SEMA6D: variants seen among roughly 807,000 people sequenced by gnomAD.
SEMA6D encodes the protein semaphorin 6D, also known as semaphorin-6D.
Under a neutral mutation model 106.6 loss-of-function variants are expected in SEMA6D, and 35 were observed. The observed-to-expected ratio is 0.33, with a 90% CI of 0.25 to 0.44. The LOEUF is 0.44. Among genes scored for constraint, SEMA6D ranks in the 20% least tolerant of loss-of-function variants. SEMA6D has a pLI of 1.00. For synonymous variants in SEMA6D, 499 were observed against 487.7 expected, an observed-to-expected ratio of 1.02 and a Z score of -0.31; for missense variants, 1,185 against 1,345.9, an observed-to-expected ratio of 0.88 and a Z score of 1.87.
intron 3 of SEMA6D, among the ~76,000 whole-genome samples, chr15:47,505,685 T>C (rs1224967355): frequency 6.6e-6 from 1 of 152,080 alleles, no homozygotes; most frequent in East Asian, 1.9e-4. Flanking sequence ...ATATTACATA[T>C]ACCACATGTG....
intron 1 of SEMA6D, among the ~76,000 whole-genome samples, chr15:47,214,597 T>C (rs531162594): frequency 1.3e-5 from 2 of 152,320 alleles, no homozygotes; most frequent in South Asian, 4.1e-4. Context: ...CTGCTTCCTT[T>C]ACTTTACTTA....
chr15:47,516,040 A>G (rs570901446), intron 3 of SEMA6D, among the ~76,000 whole-genome samples: 2 of 152,274 alleles, frequency 1.3e-5, no homozygotes, highest in East Asian at 3.9e-4. Context: ...TGGCTGCAGA[A>G]CTAAGCCTTA....
At chr15:47,639,146 G>C (rs1009356909) in intron 4 of SEMA6D, among the ~76,000 whole-genome samples, 10 of 152,148 alleles carry the variant, frequency 6.6e-5, no homozygotes, top group Non-Finnish European at 1.3e-4. Flanking sequence ...TTAAAGGGAT[G>C]ACCACCAGTG....
intron 1 of SEMA6D, among the ~76,000 whole-genome samples, chr15:47,400,204 T>C (rs1180013416): frequency 1.3e-5 from 2 of 152,148 alleles, no homozygotes; most frequent in Admixed American, 6.5e-5. Flanking sequence ...AAATCCTTCC[T>C]GTAGGCTGAG....
intron 2 of SEMA6D, among the ~76,000 whole-genome samples, chr15:47,420,134 C>T (rs567123261): frequency 4.6e-5 from 7 of 152,188 alleles, no homozygotes; most frequent in Admixed American, 3.9e-4. Flanking sequence ...TTAAGTTGAG[C>T]CAAACAGTGG....
chr15:47,258,231 G>T, intron 1 of SEMA6D, among the ~76,000 whole-genome samples: 1 of 152,014 alleles, frequency 6.6e-6, no homozygotes, highest in East Asian at 1.9e-4. Flanking sequence ...TTTTTGATGG[G>T]TGTGCTTAGA....
intron 1 of SEMA6D, among the ~76,000 whole-genome samples, chr15:47,253,671 A>AT (rs1566953059): frequency 6.6e-6 from 1 of 151,834 alleles, no homozygotes. Context: ...TTGGCTGTGG[A>AT]TTTGTTTCTG....
chr15:47,610,036 A>G (rs1164128242), intron 4 of SEMA6D, among the ~76,000 whole-genome samples: 1 of 152,204 alleles, frequency 6.6e-6, no homozygotes, highest in Non-Finnish European at 1.5e-5. Context: ...CAGACTGTCC[A>G]GCAGCCTGCA....
At chr15:47,269,598 A>C (rs1017784805) in intron 1 of SEMA6D, among the ~76,000 whole-genome samples, 1 of 152,018 alleles carries the variant, frequency 6.6e-6, no homozygotes, top group Non-Finnish European at 1.5e-5. Flanking sequence ...TATAAATTAA[A>C]TTGTTTTTAG....
chr15:47,247,378 C>A (rs771506079), intron 1 of SEMA6D, among the ~76,000 whole-genome samples: 1 of 151,792 alleles, frequency 6.6e-6, no homozygotes, highest in Non-Finnish European at 1.5e-5. Context: ...GCAAAAAATG[C>A]TGGAATGAAC....
In SEMA6D at chr15:47,616,563, G is replaced by T. The variant is rs956293801; in HGVS notation, c.-55+15667G>T. ...AGTATAAGAATTATTGACTGTATGT[G>T]ATTGCTCTCCAAAGAGGAAAAAAAA... On this transcript the variant is annotated intron_variant, in intron 4 of 19. Coordinates refer to the SEMA6D transcript ENST00000558014. Among the ~76,000 whole-genome samples the T allele has an allele frequency of 1.4e-4, 18 of 128,356 alleles. No individual in the cohort carries two copies. In the Admixed American group the frequency reaches 1.5e-3, roughly 11 times the overall value. The allele number at this position is 128,356 out of a possible 152,430, so 84.2% of individuals were successfully genotyped here.
intron 1 of SEMA6D, among the ~76,000 whole-genome samples, chr15:47,253,566 C>A (rs2033635868): frequency 6.6e-6 from 1 of 152,048 alleles, no homozygotes; most frequent in African/African-American, 2.4e-5. Flanking sequence ...TAGTTTCCTA[C>A]CTCTGCATAT....
intron 4 of SEMA6D, among the ~76,000 whole-genome samples, chr15:47,626,909 A>G (rs2077211860): frequency 6.6e-6 from 1 of 152,194 alleles, no homozygotes; most frequent in African/African-American, 2.4e-5. Flanking sequence ...TTAATTTCCT[A>G]ATAGTTACAA....
At chr15:47,343,139 C>T (rs1021421170) in intron 1 of SEMA6D, among the ~76,000 whole-genome samples, 7 of 151,902 alleles carry the variant, frequency 4.6e-5, no homozygotes, top group African/African-American at 1.2e-4. Flanking sequence ...TATAGGGCTC[C>T]CCAAATTTAG....
chr15:47,424,847 T>C (rs907988120), intron 2 of SEMA6D, among the ~76,000 whole-genome samples: 3 of 152,044 alleles, frequency 2.0e-5, no homozygotes, highest in African/African-American at 7.2e-5. Context: ...TCATACAAAA[T>C]ATGAGACTCA....
chr15:47,346,024 T>G (rs528590781), intron 1 of SEMA6D, among the ~76,000 whole-genome samples: 1 of 152,082 alleles, frequency 6.6e-6, no homozygotes, highest in South Asian at 2.1e-4. Flanking sequence ...ATAACTGTTA[T>G]GAAATGTTTG....
In SEMA6D at chr15:47,572,579, G is replaced by T. The variant is rs185087281; in HGVS notation, c.-86-28286G>T. On this transcript the variant is annotated intron_variant, in intron 3 of 19. Transcript: ENST00000558014. ...TCTCTTCTGCTTTCCTTGATAGCTG[G>T]GGTCAGCCTTCAGAAACAGGCATTT... Among the ~76,000 whole-genome samples, 32 of 152,044 alleles carry T rather than the reference G, an allele frequency of 2.1e-4. No homozygotes were observed. The East Asian group carries it at 6.2e-3, about 29-fold the overall frequency.
At chr15:47,480,981 T>A (rs1225380851) in intron 3 of SEMA6D, among the ~76,000 whole-genome samples, 1 of 152,182 alleles carries the variant, frequency 6.6e-6, no homozygotes, top group Non-Finnish European at 1.5e-5. Flanking sequence ...TACTTTCATC[T>A]TAGATCTATA....
chr15:47,218,056 A>C (rs540831814), intron 1 of SEMA6D, among the ~76,000 whole-genome samples: 1 of 152,060 alleles, frequency 6.6e-6, no homozygotes, highest in Non-Finnish European at 1.5e-5. Context: ...ATCCTCTTCT[A>C]CTTTTGGTAT....
Sources: allele counts gnomAD v4.1 joint callset (sites outside exome capture counted in the v4.1 genomes callset), GRCh38; gene constraint gnomAD v4.1.1; transcripts MANE v1.5; gene names NCBI Gene and HGNC (gene_info 2026-07-23, HGNC 2026-07-21).